ITPR2: variants seen among roughly 807,000 people sequenced by gnomAD.
ITPR2 encodes the protein inositol 1,4,5-trisphosphate-gated calcium channel ITPR2.
Under a neutral mutation model 317.1 loss-of-function variants are expected in ITPR2, and 207 were observed. The observed-to-expected ratio is 0.65, with a 90% CI of 0.58 to 0.73. The LOEUF (loss-of-function observed/expected upper bound fraction) is 0.73, where lower values mean the gene tolerates loss of function less well. Among genes scored for constraint, ITPR2 ranks in the 30% least tolerant of loss-of-function variants. ITPR2 has a pLI of 0.00. For synonymous variants in ITPR2, 1,156 were observed against 1,149.1 expected, an observed-to-expected ratio of 1.01 and a Z score of -0.12; for missense variants, 2,613 against 3,284.0, an observed-to-expected ratio of 0.80 and a Z score of 4.99.
At chr12:26,424,600 T>TC (rs1056014872) in intron 49 of ITPR2, among the ~76,000 whole-genome samples, 3 of 139,710 alleles carry the variant, frequency 2.1e-5, no homozygotes, top group Non-Finnish European at 4.7e-5. Flanking sequence ...TTTTTTTTTT[T>TC]TTTTTTTGAG....
In ITPR2 at chr12:26,400,272, T is replaced by A. The variant is rs548923985; in HGVS notation, c.7400-14A>T. On this transcript the variant is annotated splice_polypyrimidine_tract_variant and intron_variant, in intron 52 of 56. Coordinates refer to ENST00000381340, the MANE Select transcript of ITPR2 (RefSeq NM_002223.4). Reference sequence around the variant, plus strand: ...ACTCTTCATCAGCTATAAAAACACATACAAATATATGATATAAAATTATGT... The same window carrying A: ...ACTCTTCATCAGCTATAAAAACACAAACAAATATATGATATAAAATTATGT... 37 of 1,449,278 alleles carry A rather than the reference T, an allele frequency of 2.6e-5. 1 individual carries two copies. The South Asian group carries it at 5.0e-4, about 19-fold the overall frequency. 89.8% of individuals were successfully genotyped at this position (1,449,278 alleles called of 1,614,324 possible). A position where few individuals can be genotyped will look rare whatever the true frequency, so the allele number is the denominator to read the frequency against.
At chr12:26,756,610 C>T (rs913640191) in intron 2 of ITPR2, among the ~76,000 whole-genome samples, 12 of 152,172 alleles carry the variant, frequency 7.9e-5, no homozygotes, top group African/African-American at 1.7e-4. Flanking sequence ...TCAAGAGTCA[C>T]GGATAGCCCT....
intron 21 of ITPR2, among the ~76,000 whole-genome samples, chr12:26,632,418 T>C (rs1005865629): frequency 2.6e-5 from 4 of 152,168 alleles, no homozygotes; most frequent in African/African-American, 9.7e-5. Flanking sequence ...CAAAAGAAGA[T>C]TACTAATCGC....
At chr12:26,811,644 G>GCA (rs1950750650) in intron 1 of ITPR2, among the ~76,000 whole-genome samples, 1 of 142,522 alleles carries the variant, frequency 7.0e-6, no homozygotes, top group African/African-American at 2.6e-5. Flanking sequence ...CCGAGATGAC[G>GCA]CCACTGCACT....
At chr12:26,706,906 G>C (rs1207251525) in intron 9 of ITPR2, among the ~76,000 whole-genome samples, 2 of 152,134 alleles carry the variant, frequency 1.3e-5, no homozygotes, top group African/African-American at 4.8e-5. Flanking sequence ...TGTATGATTT[G>C]GACATTCTGT....
At chr12:26,391,323 A>T (rs557862566) in intron 54 of ITPR2, among the ~76,000 whole-genome samples, 2 of 152,062 alleles carry the variant, frequency 1.3e-5, no homozygotes, top group Non-Finnish European at 2.9e-5. Flanking sequence ...AATATTTCTG[A>T]CTCTAAAGCC....
chr12:26,524,771 CAAT>C (rs1943765900), intron 37 of ITPR2, among the ~76,000 whole-genome samples: 1 of 152,078 alleles, frequency 6.6e-6, no homozygotes, highest in Non-Finnish European at 1.5e-5. Context: ...ACCAACATTA[CAAT>C]ATTATCAAAA....
At chr12:26,823,246 G>A (rs1950965275) in intron 1 of ITPR2, among the ~76,000 whole-genome samples, 1 of 152,064 alleles carries the variant, frequency 6.6e-6, no homozygotes, top group Non-Finnish European at 1.5e-5. Context: ...TACAATAATT[G>A]CACAAATATT....
At position 26,481,196 on chromosome 12, in the gene ITPR2, CAAT is replaced by C; in HGVS notation, c.6055_6057del (p.Ile2019del). On this transcript the variant is annotated inframe_deletion, in exon 43 of 57. Transcript: ENST00000381340. ...GGGTTTATGTCATTCAGAATCAAAG[CAAT>C]GATGATATCAATCCCATTAGACTCA... 1 of 1,613,414 alleles carries C rather than the reference CAAT, an allele frequency of 6.2e-7. No homozygotes were observed. Among genetic ancestry groups the C allele is most frequent in the Non-Finnish European group, 8.5e-7 (1 of 1,179,444 alleles).
chr12:26,516,305 A>G (rs796421155), intron 37 of ITPR2, among the ~76,000 whole-genome samples: 1,740 of 83,694 alleles, frequency 0.021, 1 homozygote, highest in East Asian at 0.037. Flanking sequence ...AGGAAAGGAA[A>G]GGAAAGGAAA....
intron 26 of ITPR2, among the ~76,000 whole-genome samples, chr12:26,616,989 C>A (rs1168863594): frequency 6.6e-6 from 1 of 152,114 alleles, no homozygotes; most frequent in Non-Finnish European, 1.5e-5. Context: ...CTACATAATT[C>A]ACACAACACA....
rs377068104 is a variant in ITPR2 at position 26,828,389 on chromosome 12, T to A, written c.92+4301A>T. On this transcript the variant is annotated intron_variant, in intron 1 of 56. Coordinates refer to ENST00000381340, the MANE Select transcript of ITPR2 (RefSeq NM_002223.4). ...AGTGCTACCCCTACATGTACCTAGA[T>A]AAGATTTCACGTGGCACAGACATAT... is the stretch of plus-strand genomic sequence containing the variant. 1.8e-4 allele frequency among the ~76,000 whole-genome samples: 28 copies of A among 152,330 alleles called. 1 individual carries two copies. In the South Asian group the frequency reaches 5.8e-3, roughly 32 times the overall value.
intron 37 of ITPR2, among the ~76,000 whole-genome samples, chr12:26,532,143 T>C (rs1943961531): frequency 6.6e-6 from 1 of 152,220 alleles, no homozygotes. Flanking sequence ...ATCTCCCACA[T>C]ACAGGTGCAA....
intron 55 of ITPR2, among the ~76,000 whole-genome samples, chr12:26,376,413 C>T (rs1939345890): frequency 6.6e-6 from 1 of 152,182 alleles, no homozygotes; most frequent in Non-Finnish European, 1.5e-5. Flanking sequence ...CCTAAACAGT[C>T]TTCCCCTTAC....
intron 37 of ITPR2, among the ~76,000 whole-genome samples, chr12:26,540,464 C>T (rs974634144): frequency 1.3e-5 from 2 of 151,924 alleles, no homozygotes; most frequent in African/African-American, 4.8e-5. Context: ...TCTTTTAATG[C>T]TATCCAAGTT....
chr12:26,469,522 T>A (rs1430442081), intron 45 of ITPR2, among the ~76,000 whole-genome samples: 1 of 152,110 alleles, frequency 6.6e-6, no homozygotes, highest in Non-Finnish European at 1.5e-5. Context: ...TCAACCAATC[T>A]CTAATAGCCT....
chr12:26,824,094 C>T (rs1017385291), intron 1 of ITPR2, among the ~76,000 whole-genome samples: 2 of 152,170 alleles, frequency 1.3e-5, no homozygotes, highest in Non-Finnish European at 2.9e-5. Context: ...ACCTAACCTA[C>T]CAAACAACAT....
intron 1 of ITPR2, 136 bp downstream of exon 1, chr12:26,832,554 G>C: frequency 1.8e-6 from 1 of 557,200 alleles, no homozygotes; most frequent in Non-Finnish European, 3.1e-6. Flanking sequence ...AGCGCACGGC[G>C]CTGTCCGCGG....
At chr12:26,410,212 G>C (rs900885637) in intron 52 of ITPR2, among the ~76,000 whole-genome samples, 54 of 152,134 alleles carry the variant, frequency 3.5e-4, no homozygotes, top group African/African-American at 1.3e-3. Flanking sequence ...GCACAATAAT[G>C]CTATACGAGT....
Sources: gnomAD v4.1 joint callset for allele counts (sites outside exome capture counted in the v4.1 genomes callset) on GRCh38, gnomAD v4.1.1 for gene constraint, MANE v1.5 for transcripts, NCBI Gene and HGNC (gene_info 2026-07-23, HGNC 2026-07-21) for gene names.